The following AGBL4 variants were observed in gnomAD, a reference collection of about 807,000 sequenced individuals.
AGBL4 encodes the protein cytosolic carboxypeptidase 6.
Under a neutral mutation model 66.4 loss-of-function variants are expected in AGBL4, and 58 were observed. The observed-to-expected ratio is 0.87, with a 90% confidence interval of 0.71 to 1.09. The LOEUF is 1.09. Ranked by LOEUF, AGBL4 falls within the 50% of genes least tolerant of loss-of-function variation. The pLI, the probability that AGBL4 is intolerant of heterozygous loss-of-function variation, is 0.00. For missense variants in AGBL4, 579 were observed against 631.0 expected (o/e 0.92, Z 0.88); for synonymous variants, 234 against 222.9 (o/e 1.05, Z -0.44).
chr1:49,919,947 T>C lies in AGBL4; in HGVS notation c.35-68429A>G, dbSNP rs1325977625. ...AGAAATAATACCACACATCTACAAC[T>C]ATCTGATCTTTGACAAACCTGACAA... On this transcript the variant is annotated intron_variant, in intron 1 of 13. Coordinates refer to ENST00000371839, the MANE Select transcript of AGBL4 (RefSeq NM_032785.4). Among the ~76,000 whole-genome samples the C allele has an allele frequency of 3.3e-4, 50 of 151,884 alleles. 1 individual carries two copies. In the South Asian group the frequency reaches 9.6e-3, roughly 29 times the overall value.
chr1:49,392,698 TACACACACACACAC>T (rs55786055), intron 3 of AGBL4, among the ~76,000 whole-genome samples: 8 of 147,512 alleles, frequency 5.4e-5, no homozygotes, highest in Admixed American at 6.8e-5. Context: ...CAACTGTGTA[TACACACACACACAC>T]ACACACACAC....
chr1:48,846,102 G>A (rs761457920), intron 6 of AGBL4, among the ~76,000 whole-genome samples: 1 of 152,054 alleles, frequency 6.6e-6, no homozygotes, highest in African/African-American at 2.4e-5. Context: ...TCAGCAGTGT[G>A]AGAGCCACAA....
chr1:49,300,821 C>T (rs1644731688), intron 3 of AGBL4, among the ~76,000 whole-genome samples: 2 of 152,172 alleles, frequency 1.3e-5, no homozygotes, highest in South Asian at 4.1e-4. Flanking sequence ...CTTCTTTGAA[C>T]TCTGTGCCTG....
chr1:48,928,902 T>C (rs997901724), intron 5 of AGBL4, among the ~76,000 whole-genome samples: 79 of 152,304 alleles, frequency 5.2e-4, no homozygotes, highest in African/African-American at 1.8e-3. Context: ...TTCTAGTAAG[T>C]TATACCATGT....
intron 2 of AGBL4, among the ~76,000 whole-genome samples, chr1:49,760,731 T>C (rs1652244307): frequency 1.3e-5 from 2 of 152,278 alleles, no homozygotes; most frequent in South Asian, 4.1e-4. Flanking sequence ...AGTATGTTTA[T>C]TGCAGCACTA....
At chr1:48,622,876 T>A (rs563270015) in intron 9 of AGBL4, among the ~76,000 whole-genome samples, 17 of 152,318 alleles carry the variant, frequency 1.1e-4, no homozygotes, top group African/African-American at 3.4e-4. Context: ...CATCACCTCA[T>A]TTAATCTTCA....
At chr1:49,898,107 C>G (rs1306163443) in intron 1 of AGBL4, among the ~76,000 whole-genome samples, 1 of 152,006 alleles carries the variant, frequency 6.6e-6, no homozygotes, top group Non-Finnish European at 1.5e-5. Context: ...CAAAAATGAA[C>G]AAATGGGATC....
intron 5 of AGBL4, among the ~76,000 whole-genome samples, chr1:48,868,159 TA>T (rs1435979421): frequency 4.6e-5 from 7 of 152,236 alleles, no homozygotes; most frequent in African/African-American, 1.7e-4. Context: ...TCTGTTTTCT[TA>T]AAAGAGGTCC....
chr1:49,261,159 C>T (rs1046522582), intron 3 of AGBL4, among the ~76,000 whole-genome samples: 8 of 151,714 alleles, frequency 5.3e-5, no homozygotes, highest in Non-Finnish European at 1.2e-4. Context: ...GGACATATCT[C>T]AAAATAATAA....
At chr1:48,888,978 C>A (rs987948873) in intron 5 of AGBL4, among the ~76,000 whole-genome samples, 24 of 152,300 alleles carry the variant, frequency 1.6e-4, no homozygotes, top group Admixed American at 3.3e-4. Context: ...CCAATGCAGG[C>A]AGAAAGCCTA....
intron 3 of AGBL4, among the ~76,000 whole-genome samples, chr1:49,590,686 T>C (rs186366471): frequency 3.4e-4 from 51 of 152,170 alleles, no homozygotes; most frequent in Non-Finnish European, 5.3e-4. Context: ...TCTAATATCC[T>C]CATGAAACTT....
At chr1:49,918,155 T>C (rs77301369) in intron 1 of AGBL4, among the ~76,000 whole-genome samples, 2 of 152,096 alleles carry the variant, frequency 1.3e-5, no homozygotes, top group Admixed American at 6.5e-5. Flanking sequence ...ATTGACATCC[T>C]AACATCACAA....
intron 6 of AGBL4, among the ~76,000 whole-genome samples, chr1:48,706,872 C>T (rs997021537): frequency 3.9e-5 from 6 of 152,202 alleles, no homozygotes; most frequent in Admixed American, 1.3e-4. Context: ...CTCTGACATC[C>T]GGAATAGTCA....
chr1:49,877,729 G>C (rs1461441476), intron 1 of AGBL4, among the ~76,000 whole-genome samples: 6 of 151,466 alleles, frequency 4.0e-5, no homozygotes, highest in Non-Finnish European at 5.9e-5. Context: ...GTTTCAGAAG[G>C]AATGGTACCA....
chr1:49,786,970 CT>C (rs1363085755), intron 2 of AGBL4, among the ~76,000 whole-genome samples: 1 of 152,130 alleles, frequency 6.6e-6, no homozygotes, highest in African/African-American at 2.4e-5. Flanking sequence ...TCTCATTTTC[CT>C]TTATGCCTTC....
intron 3 of AGBL4, among the ~76,000 whole-genome samples, chr1:49,516,187 G>GTA (rs1421551319): frequency 6.6e-6 from 1 of 151,902 alleles, no homozygotes; most frequent in Non-Finnish European, 1.5e-5. Flanking sequence ...ATATGACAGT[G>GTA]TCCTTATCTC....
At position 49,936,372 on chromosome 1, in the gene AGBL4, T is replaced by A. The variant is rs185870705; in HGVS notation, c.35-84854A>T. On this transcript the variant is annotated intron_variant, in intron 1 of 13. Transcript: ENST00000371839. Reference sequence around the variant, plus strand: ...AAATCTGCGTCTGATTGGGGTACCTTAAAGTGACGGGGAGAATGGAACCAA... The same window carrying A: ...AAATCTGCGTCTGATTGGGGTACCTAAAAGTGACGGGGAGAATGGAACCAA... Among the ~76,000 whole-genome samples the A allele has an allele frequency of 4.6e-4, 70 of 152,180 alleles. 1 individual carries two copies. Among genetic ancestry groups the A allele is most frequent in the African/African-American group, 1.5e-3 (63 of 41,518 alleles).
At chr1:48,747,911 G>T (rs904803659) in intron 6 of AGBL4, among the ~76,000 whole-genome samples, 22 of 152,056 alleles carry the variant, frequency 1.4e-4, no homozygotes, top group African/African-American at 5.1e-4. Flanking sequence ...AATAATATTC[G>T]ATTCTTTTTT....
intron 2 of AGBL4, among the ~76,000 whole-genome samples, chr1:49,844,518 C>CCT (rs1167922049): frequency 6.6e-6 from 1 of 151,740 alleles, no homozygotes; most frequent in Non-Finnish European, 1.5e-5. Flanking sequence ...TCTGTTTTTC[C>CCT]CTCTCTCTCT....
Sources: allele counts gnomAD v4.1 joint callset (sites outside exome capture counted in the v4.1 genomes callset), GRCh38; gene constraint gnomAD v4.1.1; transcripts MANE v1.5; gene names NCBI Gene and HGNC (gene_info 2026-07-23, HGNC 2026-07-21).